The following NOS1 variants were observed in gnomAD, a reference collection of about 807,000 sequenced individuals.
NOS1 encodes NOS type I.
Under a neutral mutation model 164.5 loss-of-function variants are expected in NOS1, and 51 were observed. That is an observed-to-expected ratio of 0.31 (90% CI 0.25 to 0.39). The LOEUF is 0.39. Ranked by LOEUF, NOS1 falls within the 10% of genes least tolerant of loss-of-function variation. NOS1 has a pLI of 1.00. For missense variants in NOS1, 1,362 were observed against 1,885.6 expected, an observed-to-expected ratio of 0.72 and a Z score of 5.14; for synonymous variants, 719 against 745.8, an observed-to-expected ratio of 0.96 and a Z score of 0.59.
intron 4 of NOS1, among the ~76,000 whole-genome samples, chr12:117,288,963 A>G (rs564044690): frequency 9.9e-5 from 15 of 152,156 alleles, no homozygotes; most frequent in Non-Finnish European, 2.1e-4. Flanking sequence ...AAATCAACAG[A>G]GTCTGGACCA....
chr12:117,275,641 A>G (rs532788665), intron 9 of NOS1, among the ~76,000 whole-genome samples: 2 of 152,334 alleles, frequency 1.3e-5, no homozygotes, highest in East Asian at 3.9e-4. Flanking sequence ...GCTAGAAGAA[A>G]GGATAGTGAA....
At position 117,212,808 on chromosome 12, in the gene NOS1, T is replaced by A. The variant is rs1468761009; in HGVS notation, c.*2501A>T. 2 of 985,272 alleles carry A rather than the reference T, an allele frequency of 2.0e-6. No individual in the cohort carries two copies. Among genetic ancestry groups the A allele is most frequent in the Non-Finnish European group, 2.4e-6 (2 of 829,924 alleles). The allele number at this position is 985,272 out of a possible 1,614,324, so 61.0% of individuals were successfully genotyped here. On this transcript the variant is annotated 3_prime_UTR_variant, in exon 29 of 29. Transcript: ENST00000317775. ...CCCACCCTTGATCTGAGCCTAACAA[T>A]CTGGACTCCACTCTGGTCCTTGAGA... is the stretch of plus-strand genomic sequence containing the variant.
intron 22 of NOS1, among the ~76,000 whole-genome samples, chr12:117,231,151 G>GA: frequency 6.6e-6 from 1 of 151,876 alleles, no homozygotes; most frequent in African/African-American, 2.4e-5. Context: ...CTCTACTAAA[G>GA]AAAAAAACTA....
At chr12:117,311,081 G>T (rs1325399441) in intron 3 of NOS1, among the ~76,000 whole-genome samples, 1 of 152,178 alleles carries the variant, frequency 6.6e-6, no homozygotes, top group Non-Finnish European at 1.5e-5. Flanking sequence ...GGTCAGGCTG[G>T]TCTTGAACTC....
At chr12:117,344,517 C>T (rs1266108817) in intron 1 of NOS1, among the ~76,000 whole-genome samples, 1 of 152,086 alleles carries the variant, frequency 6.6e-6, no homozygotes, top group Non-Finnish European at 1.5e-5. Context: ...ATGTTAAAAT[C>T]AAGGCTCAAA....
At chr12:117,325,151 G>A (rs905362169) in intron 2 of NOS1, among the ~76,000 whole-genome samples, 2 of 152,146 alleles carry the variant, frequency 1.3e-5, no homozygotes, top group African/African-American at 2.4e-5. Context: ...GTTTTCTTGG[G>A]CCAGTGACTT....
intron 12 of NOS1, among the ~76,000 whole-genome samples, chr12:117,264,246 C>A (rs1420743930): frequency 6.6e-6 from 1 of 151,948 alleles, no homozygotes; most frequent in African/African-American, 2.4e-5. Context: ...TTCTTGTGAC[C>A]CCTGACTACT....
At position 117,234,821 on chromosome 12, in the gene NOS1, T is replaced by C. The variant is rs1163594733; in HGVS notation, c.3042-63A>G. 5 of 1,433,814 alleles carry C rather than the reference T, an allele frequency of 3.5e-6. No homozygotes were observed. The East Asian group carries it at 1.2e-4, about 35-fold the overall frequency. 88.8% of individuals were successfully genotyped at this position (1,433,814 alleles called of 1,614,324 possible). ...AGCAGCTACTTCCTCCTTTTTTTGC[T>C]CTTCTGTCTGTCCTTGTTGGCTGCA... is the stretch of plus-strand genomic sequence containing the variant. On this transcript the variant is annotated intron_variant, in intron 20 of 28. Coordinates refer to ENST00000317775, the MANE Select transcript of NOS1 (RefSeq NM_000620.5). This position sits in a 1 kb window ranked among gnomAD's most constrained non-coding sequence, Gnocchi z 4.3.
intron 13 of NOS1, among the ~76,000 whole-genome samples, chr12:117,263,351 G>T (rs1872095908): frequency 6.6e-6 from 1 of 151,998 alleles, no homozygotes; most frequent in Admixed American, 6.6e-5. Context: ...GACTTCCTAG[G>T]CCAGGTGTAG....
intron 1 of NOS1, among the ~76,000 whole-genome samples, chr12:117,351,901 C>A (rs1369749560): frequency 6.6e-6 from 1 of 152,204 alleles, no homozygotes; most frequent in East Asian, 1.9e-4. Context: ...CAAGAACCTG[C>A]TGAGCATGGT....
chr12:117,213,941 A>G lies in NOS1; in HGVS notation c.*1368T>C. On this transcript the variant is annotated 3_prime_UTR_variant, in exon 29 of 29. Coordinates refer to ENST00000317775, the MANE Select transcript of NOS1 (RefSeq NM_000620.5). ...TTACACCGGCTCCAATTCCTACCGA[A>G]GACTTGGCTGCCCATTTTTGATCTG... 1 of 985,456 alleles carries G rather than the reference A, an allele frequency of 1.0e-6. No homozygotes were observed. The highest frequency in any genetic ancestry group is 6.1e-5 in the Admixed American group (1 of 16,282). The allele number at this position is 985,456 out of a possible 1,614,324, so 61.0% of individuals were successfully genotyped here.
intron 2 of NOS1, among the ~76,000 whole-genome samples, chr12:117,327,645 G>C (rs1055146583): frequency 2.0e-5 from 3 of 152,182 alleles, no homozygotes; most frequent in African/African-American, 7.2e-5. Flanking sequence ...CAATGCCACA[G>C]AGTTCCCCAC....
At chr12:117,263,425 T>C (rs999969102) in intron 13 of NOS1, among the ~76,000 whole-genome samples, 6 of 151,576 alleles carry the variant, frequency 4.0e-5, no homozygotes, top group Non-Finnish European at 8.8e-5. Flanking sequence ...TGAGGCCAGG[T>C]GTTCGAGACT....
At chr12:117,260,976 T>C (rs2135980283) in intron 13 of NOS1, among the ~76,000 whole-genome samples, 1 of 152,052 alleles carries the variant, frequency 6.6e-6, no homozygotes, top group Middle Eastern at 3.4e-3. Flanking sequence ...GCCACCAGCC[T>C]GGGCAACAAG....
intron 7 of NOS1, among the ~76,000 whole-genome samples, chr12:117,283,036 T>TTATATATATA (rs397851004): frequency 4.5e-4 from 57 of 125,422 alleles, no homozygotes; most frequent in African/African-American, 1.6e-3. Context: ...TCCTATAACA[T>TTATATATATA]TATATATATA....
chr12:117,330,136 C>T lies in NOS1; in HGVS notation c.725+209G>A, dbSNP rs9658280. Among the ~76,000 whole-genome samples, 1,284 of 152,298 alleles carry T rather than the reference C, an allele frequency of 8.4e-3. 20 individuals carry two copies. Among genetic ancestry groups the T allele is most frequent in the South Asian group, 0.031 (152 of 4,830 alleles). ...GCTCTGGGTTTTGTGACAAGAGAAG[C>T]ATCCTAGAAGCTATGCCCTGTGGCC... On this transcript the variant is annotated intron_variant, in intron 2 of 28. Coordinates refer to ENST00000317775, the MANE Select transcript of NOS1 (RefSeq NM_000620.5). This position sits in a 1 kb window ranked among gnomAD's most constrained non-coding sequence, Gnocchi z 4.6.
intron 2 of NOS1, among the ~76,000 whole-genome samples, chr12:117,315,639 A>T (rs1874635998): frequency 6.6e-6 from 1 of 152,178 alleles, no homozygotes; most frequent in Admixed American, 6.6e-5. Context: ...TTCAACCTGG[A>T]TCCACCTGTT....
chr12:117,262,427 GGAGAGA>G (rs538563225), intron 13 of NOS1, among the ~76,000 whole-genome samples: 1 of 133,348 alleles, frequency 7.5e-6, no homozygotes, highest in African/African-American at 2.9e-5. Context: ...AGGGAGGGAG[GGAGAGA>G]GAGAGAGAGA....
chr12:117,231,541 T>A (rs1869232667), intron 22 of NOS1, among the ~76,000 whole-genome samples: 2 of 152,076 alleles, frequency 1.3e-5, no homozygotes, highest in South Asian at 4.2e-4. Context: ...TACCCCATAA[T>A]ATATATACCT....
Sources: gnomAD v4.1 joint callset for allele counts (sites outside exome capture counted in the v4.1 genomes callset) on GRCh38, gnomAD v4.1.1 for gene constraint, Gnocchi (gnomAD v3.1) non-coding constraint, MANE v1.5 for transcripts, NCBI Gene and HGNC (gene_info 2026-07-23, HGNC 2026-07-21) for gene names.